The following DYNC1I1 variants were observed in gnomAD, a reference collection of about 807,000 sequenced individuals.
DYNC1I1 encodes cytoplasmic dynein 1 intermediate chain 1.
Under a neutral mutation model 86.6 loss-of-function variants are expected in DYNC1I1, and 43 were observed. The ratio of observed to expected loss-of-function variants is 0.50; its 90% CI spans 0.39 to 0.64. DYNC1I1 has a LOEUF of 0.64. Among genes scored for constraint, DYNC1I1 ranks in the 30% least tolerant of loss-of-function variants. DYNC1I1 has a pLI of 0.00. For missense variants in DYNC1I1, 604 were observed against 788.8 expected, an observed-to-expected ratio of 0.77 and a Z score of 2.81; for synonymous variants, 262 against 283.7, an observed-to-expected ratio of 0.92 and a Z score of 0.77.
At chr7:95,996,334 C>G (rs1793867079) in intron 10 of DYNC1I1, among the ~76,000 whole-genome samples, 1 of 152,178 alleles carries the variant, frequency 6.6e-6, no homozygotes, top group African/African-American at 2.4e-5. Flanking sequence ...TTTATAAAGA[C>G]CTCGCACTTA....
chr7:96,046,552 T>G (rs768896766), intron 14 of DYNC1I1, among the ~76,000 whole-genome samples: 1 of 152,362 alleles, frequency 6.6e-6, no homozygotes, highest in Non-Finnish European at 1.5e-5. Flanking sequence ...GTGGGGAAAC[T>G]GGGATTCAAA....
chr7:95,987,192 G>C, intron 9 of DYNC1I1, 37 bp downstream of exon 9: 1 of 1,537,738 alleles, frequency 6.5e-7, no homozygotes, highest in Non-Finnish European at 9.0e-7. Context: ...AACTGGGCTT[G>C]TGTTCTCGTG....
chr7:95,819,253 C>T (rs935963518), intron 4 of DYNC1I1, among the ~76,000 whole-genome samples: 1 of 152,120 alleles, frequency 6.6e-6, no homozygotes, highest in Admixed American at 6.6e-5. Context: ...AGTTACTATT[C>T]AGTTTCTTAT....
At chr7:95,827,928 A>G (rs930996444) in intron 4 of DYNC1I1, 129 bp from the exon 5 acceptor site, 2 of 802,980 alleles carry the variant, frequency 2.5e-6, no homozygotes, top group Admixed American at 1.9e-5. Flanking sequence ...GAGGGGATGG[A>G]AGGGGGACAT....
intron 6 of DYNC1I1, among the ~76,000 whole-genome samples, chr7:95,886,806 A>G (rs1015923360): frequency 7.2e-5 from 11 of 152,360 alleles, no homozygotes; most frequent in Admixed American, 7.2e-4. Flanking sequence ...ATATGAAAGG[A>G]GCAGCAGTGA....
chr7:95,924,863 CA>C (rs1311901407), intron 6 of DYNC1I1, among the ~76,000 whole-genome samples: 1 of 152,144 alleles, frequency 6.6e-6, no homozygotes, highest in Non-Finnish European at 1.5e-5. Context: ...CTATCCTAGT[CA>C]AAAGTGGGCT....
At chr7:95,977,422 C>T in intron 6 of DYNC1I1, 90 bp from the exon 7 acceptor site, 1 of 1,200,338 alleles carries the variant, frequency 8.3e-7, no homozygotes. Context: ...ATGATTGGAA[C>T]TTTACCCTTT....
At chr7:95,866,833 G>A (rs1790029089) in intron 5 of DYNC1I1, among the ~76,000 whole-genome samples, 1 of 152,314 alleles carries the variant, frequency 6.6e-6, no homozygotes, top group South Asian at 2.1e-4. Flanking sequence ...GCTTATCAGT[G>A]TGTCAGATGA....
At position 95,937,582 on chromosome 7, in the gene DYNC1I1, T is replaced by A. The variant is rs940378741; in HGVS notation, c.491-39930T>A. 2.0e-4 allele frequency among the ~76,000 whole-genome samples: 30 copies of A among 151,708 alleles called. 1 individual carries two copies. Among genetic ancestry groups the A allele is most frequent in the Non-Finnish European group, 5.9e-5 (4 of 67,876 alleles). ...TGCATGTAGATCAGATATTAGAGAATATTGGGGTATTATCATTAATTTTCT... is the reference window on the plus strand; with the variant it reads ...TGCATGTAGATCAGATATTAGAGAAAATTGGGGTATTATCATTAATTTTCT... On this transcript the variant is annotated intron_variant, in intron 6 of 16. Coordinates refer to ENST00000447467, the MANE Select transcript of DYNC1I1 (RefSeq NM_001135556.2).
intron 14 of DYNC1I1, among the ~76,000 whole-genome samples, chr7:96,050,340 A>G (rs1789367120): frequency 6.6e-6 from 1 of 152,236 alleles, no homozygotes; most frequent in Admixed American, 6.5e-5. Flanking sequence ...CACATACTGA[A>G]AGAGAGAAGT....
intron 14 of DYNC1I1, among the ~76,000 whole-genome samples, chr7:96,063,469 C>T (rs747798324): frequency 3.9e-5 from 6 of 152,130 alleles, no homozygotes; most frequent in Non-Finnish European, 8.8e-5. Flanking sequence ...TGCATCCTCT[C>T]ATAGTTCTGG....
intron 16 of DYNC1I1, among the ~76,000 whole-genome samples, chr7:96,086,630 T>C (rs1790687103): frequency 6.6e-6 from 1 of 152,122 alleles, no homozygotes; most frequent in South Asian, 2.1e-4. Flanking sequence ...AAAAGAATAG[T>C]ATTCATTTCA....
intron 14 of DYNC1I1, among the ~76,000 whole-genome samples, chr7:96,065,585 G>A (rs1051868205): frequency 1.3e-5 from 2 of 151,822 alleles, no homozygotes; most frequent in Non-Finnish European, 2.9e-5. Context: ...ACAGGGTTTC[G>A]CCATGTTGCC....
intron 15 of DYNC1I1, among the ~76,000 whole-genome samples, chr7:96,077,039 A>C (rs927548711): frequency 6.6e-6 from 1 of 152,164 alleles, no homozygotes; most frequent in African/African-American, 2.4e-5. Context: ...TGGTCTCTGC[A>C]TCACTTCTTG....
intron 6 of DYNC1I1, among the ~76,000 whole-genome samples, chr7:95,941,356 G>A (rs1345140346): frequency 6.6e-6 from 1 of 152,016 alleles, no homozygotes; most frequent in African/African-American, 2.4e-5. Context: ...ATTTAAGTCT[G>A]CAGAGGTTAC....
chr7:95,931,854 C>T (rs1791908154), intron 6 of DYNC1I1, among the ~76,000 whole-genome samples: 2 of 152,184 alleles, frequency 1.3e-5, no homozygotes, highest in African/African-American at 4.8e-5. Flanking sequence ...TAATATACAG[C>T]TAAATGTTAT....
chr7:95,927,820 C>T (rs1337179257), intron 6 of DYNC1I1, among the ~76,000 whole-genome samples: 1 of 152,298 alleles, frequency 6.6e-6, no homozygotes, highest in East Asian at 1.9e-4. Context: ...TTATTCACTG[C>T]CTTCTGAAGA....
At chr7:95,825,717 G>C (rs1157483946) in intron 4 of DYNC1I1, among the ~76,000 whole-genome samples, 1 of 152,132 alleles carries the variant, frequency 6.6e-6, no homozygotes, top group Non-Finnish European at 1.5e-5. Flanking sequence ...TTGGTCTAGG[G>C]GTGGCCTGGA....
intron 5 of DYNC1I1, among the ~76,000 whole-genome samples, 169 bp from the exon 6 acceptor site, chr7:95,869,714 G>A (rs1440278326): frequency 1.3e-5 from 2 of 152,174 alleles, no homozygotes; most frequent in Admixed American, 6.5e-5. Context: ...AAGAGCCCAC[G>A]TGTCCTGACT....
Sources: allele counts gnomAD v4.1 joint callset (sites outside exome capture counted in the v4.1 genomes callset), GRCh38; gene constraint gnomAD v4.1.1; transcripts MANE v1.5; gene names NCBI Gene and HGNC (gene_info 2026-07-23, HGNC 2026-07-21).